The following UBAP2 variants were observed in gnomAD, a reference collection of about 807,000 sequenced individuals.
UBAP2 encodes the protein ubiquitin-associated protein 2.
Under a neutral mutation model 139.6 loss-of-function variants are expected in UBAP2, and 75 were observed. That is an observed-to-expected ratio of 0.54 (90% confidence interval 0.45 to 0.65). The LOEUF is 0.65. Ranked by LOEUF, UBAP2 falls within the 30% of genes least tolerant of loss-of-function variation. The pLI is 0.00. For missense variants in UBAP2, 1,368 were observed against 1,369.6 expected, an observed-to-expected ratio of 1.00 and a Z score of 0.02; for synonymous variants, 526 against 526.2, an observed-to-expected ratio of 1.00 and a Z score of 0.01.
chr9:34,047,649 T>G (rs1164052421), intron 1 of UBAP2, among the ~76,000 whole-genome samples: 1 of 152,136 alleles, frequency 6.6e-6, no homozygotes, highest in Admixed American at 6.6e-5. Flanking sequence ...GCCCTTCAAA[T>G]AAAAGATAAT....
rs56317641 is a variant in UBAP2, at chr9:34,040,323, C to CAA, written c.-42+8500_-42+8501dup. Among the ~76,000 whole-genome samples the CAA allele has an allele frequency of 9.9e-3, 882 of 88,668 alleles. 12 individuals carry two copies. The highest frequency in any genetic ancestry group is 0.023 in the Middle Eastern group (3 of 130). 58.2% of individuals were successfully genotyped at this position (88,668 alleles called of 152,430 possible). ...TGGGTGACAGAATGAGACTCTGTCT[C>CAA]AAAAAAAAAAAAAAAAAAAAAAAAG... On this transcript the variant is annotated intron_variant, in intron 1 of 28. Transcript: ENST00000379238.
upstream of UBAP2, among the ~76,000 whole-genome samples, chr9:34,049,189 G>C (rs941413960): frequency 6.6e-6 from 1 of 152,206 alleles, no homozygotes; most frequent in African/African-American, 2.4e-5. Context: ...TCGTCGCGCC[G>C]TGATGACCTC....
At position 33,954,269 on chromosome 9, in the gene UBAP2, T is replaced by TACACACACACACACACACACACACAC. The variant is rs60078088; in HGVS notation, c.867-821_867-796dup. 4.1e-4 allele frequency among the ~76,000 whole-genome samples: 57 copies of TACACACACACACACACACACACACAC among 139,910 alleles called. 1 individual carries two copies. Among genetic ancestry groups the TACACACACACACACACACACACACAC allele is most frequent in the Middle Eastern group, 3.5e-3 (1 of 282 alleles). The allele number at this position is 139,910 out of a possible 152,430, so 91.8% of individuals were successfully genotyped here. The stretch of plus-strand genomic sequence containing the variant: ...CATAATACATTTAAGTGTGTGTATA[T>TACACACACACACACACACACACACAC]ACACACACACACACACACACACACA... On this transcript the variant is annotated intron_variant, in intron 11 of 28. Coordinates refer to ENST00000379238, the MANE Select transcript of UBAP2 (RefSeq NM_001370062.2).
rs1487098413 is a variant in UBAP2, at chr9:33,933,437, T to C, written c.2108+53A>G. 2.5e-6 allele frequency: 4 copies of C among 1,596,632 alleles called. No homozygotes were observed. The African/African-American group carries it at 4.0e-5, about 16-fold the overall frequency. ...CATGAAAGCAACCTTCTACAGGAGC[T>C]CCAGGACTTGCCCCAAGGTACTTCT... On this transcript the variant is annotated intron_variant, in intron 18 of 28. Transcript: ENST00000379238.
rs2130899688 is a variant in UBAP2 at position 33,935,831 on chromosome 9, A to G, written c.1969+8T>C. 2.5e-6 allele frequency: 4 copies of G among 1,614,156 alleles called. No homozygotes were observed. The East Asian group carries it at 6.7e-5, about 27-fold the overall frequency. On this transcript the variant is annotated splice_region_variant and intron_variant, in intron 17 of 28. Transcript: ENST00000379238. ...GCCATGACAAGAGTAGCTTGCTGCT[A>G]TACTTACTGTCTAGTGTCTGCTGAC...
rs755295090 is a variant in UBAP2, at chr9:33,948,558, C to G, written c.1086G>C (p.Glu362Asp). 5.6e-6 allele frequency: 9 copies of G among 1,614,156 alleles called. No homozygotes were observed. The highest frequency in any genetic ancestry group is 7.6e-6 in the Non-Finnish European group (9 of 1,180,022). The change falls in exon 13 of 29, where the codon GAG (glutamate) becomes GAC (aspartate). Residue 362 changes from glutamate to aspartate, a missense_variant. Physicochemically the swap from Glu to Asp is conservative, Grantham distance 45. Coordinates refer to ENST00000379238, the MANE Select transcript of UBAP2 (RefSeq NM_001370062.2). ...LSSVLGSGFG[E>D]LAPPKMANIT... ...TGTTTGCCATTTTTGGTGGTGCAAG[C>G]TCTCCAAATCCTGAGCCAAGGACGG...
At chr9:33,940,940 T>C (rs956019719) in intron 16 of UBAP2, among the ~76,000 whole-genome samples, 11 of 152,232 alleles carry the variant, frequency 7.2e-5, no homozygotes, top group Non-Finnish European at 1.5e-4. Flanking sequence ...TTTATTGCAG[T>C]GGTATAAAAC....
At chr9:34,023,008 C>T (rs368081369) in intron 1 of UBAP2, among the ~76,000 whole-genome samples, 20 of 152,022 alleles carry the variant, frequency 1.3e-4, no homozygotes, top group African/African-American at 4.8e-4. Context: ...AGGCGGATCA[C>T]GAGGTCAGGA....
intron 4 of UBAP2, among the ~76,000 whole-genome samples, chr9:33,993,976 C>T (rs1389453536): frequency 6.7e-6 from 1 of 149,988 alleles, no homozygotes; most frequent in Non-Finnish European, 1.5e-5. Context: ...CTCACTACAA[C>T]CTCTGCTTCC....
chr9:34,048,534 A>G (rs1034554727), intron 1 of UBAP2, among the ~76,000 whole-genome samples: 1 of 151,162 alleles, frequency 6.6e-6, no homozygotes, highest in African/African-American at 2.4e-5. Context: ...GAAACCCGAA[A>G]GGGGGGAGGG....
At chr9:33,981,780 T>G (rs141150500) in intron 6 of UBAP2, among the ~76,000 whole-genome samples, 1 of 114,790 alleles carries the variant, frequency 8.7e-6, no homozygotes, top group African/African-American at 3.5e-5. Flanking sequence ...GGTAGGAAGG[T>G]AGGAAGGAAG....
At chr9:34,011,726 G>A in intron 2 of UBAP2, 1 of 853,350 alleles carries the variant, frequency 1.2e-6, no homozygotes, top group South Asian at 5.4e-5. Flanking sequence ...CAAGGTCAGT[G>A]CACCCTCCCC....
chr9:34,035,273 C>T (rs1456790261), intron 1 of UBAP2, among the ~76,000 whole-genome samples: 1 of 151,432 alleles, frequency 6.6e-6, no homozygotes, highest in Non-Finnish European at 1.5e-5. Context: ...GAGGCCGAGG[C>T]GGGCGGATCA....
At chr9:33,979,443 C>T (rs755891877) in intron 6 of UBAP2, among the ~76,000 whole-genome samples, 17 of 152,060 alleles carry the variant, frequency 1.1e-4, no homozygotes, top group Non-Finnish European at 2.1e-4. Context: ...GGTGTGGTGG[C>T]GCATGCCTGT....
chr9:34,014,601 C>G (rs1824081750), intron 2 of UBAP2, among the ~76,000 whole-genome samples: 1 of 151,746 alleles, frequency 6.6e-6, no homozygotes, highest in Non-Finnish European at 1.5e-5. Context: ...TGCACTCCAG[C>G]CTGGGCGACA....
chr9:34,019,398 C>A lies in UBAP2; in HGVS notation c.-41-2209G>T, dbSNP rs575777120. On this transcript the variant is annotated intron_variant, in intron 1 of 28. Coordinates refer to ENST00000379238, the MANE Select transcript of UBAP2 (RefSeq NM_001370062.2). ...AGCCTGGGCGACAGAGCAAAACTCT[C>A]GGGGCAAGGGGTAAAAAAAAACGGA... 2.6e-5 allele frequency among the ~76,000 whole-genome samples: 4 copies of A among 151,874 alleles called. No individual in the cohort carries two copies. In the South Asian group the frequency reaches 8.3e-4, roughly 32 times the overall value.
At chr9:33,930,763 G>C (rs1347940922) in intron 19 of UBAP2, among the ~76,000 whole-genome samples, 1 of 151,926 alleles carries the variant, frequency 6.6e-6, no homozygotes, top group African/African-American at 2.4e-5. Context: ...GGGCATGGTG[G>C]TATGCGCCTG....
At chr9:33,975,995 C>A (rs533431451) in intron 6 of UBAP2, among the ~76,000 whole-genome samples, 27 of 152,110 alleles carry the variant, frequency 1.8e-4, no homozygotes, top group African/African-American at 6.5e-4. Context: ...GCAGGAGGAT[C>A]GCTTGAGGCC....
chr9:33,991,130 A>G (rs1194448987), intron 4 of UBAP2, among the ~76,000 whole-genome samples: 1 of 152,106 alleles, frequency 6.6e-6, no homozygotes, highest in Non-Finnish European at 1.5e-5. Flanking sequence ...TACTAAAAAT[A>G]CAAAAATTAG....
Sources: gnomAD v4.1 joint callset for allele counts (sites outside exome capture counted in the v4.1 genomes callset) on GRCh38, gnomAD v4.1.1 for gene constraint, MANE v1.5 for transcripts, NCBI Gene and HGNC (gene_info 2026-07-23, HGNC 2026-07-21) for gene names.